The following ZNF483 variants were observed in gnomAD, a reference collection of about 807,000 sequenced individuals.
The protein encoded by ZNF483 is zinc finger protein 483, also known as zinc finger protein HIT-10.
Under a neutral mutation model 28.6 loss-of-function variants are expected in ZNF483, and 9 were observed. The ratio of observed to expected loss-of-function variants is 0.32; its 90% CI spans 0.19 to 0.55. The LOEUF is 0.55. Ranked by LOEUF, ZNF483 falls within the 20% of genes least tolerant of loss-of-function variation. The pLI, the probability that ZNF483 is intolerant of heterozygous loss-of-function variation, is 0.93. For missense variants in ZNF483, 675 were observed against 871.7 expected (o/e 0.77, Z 2.84); for synonymous variants, 322 against 306.2 (o/e 1.05, Z -0.54).
rs773809613 is a variant in ZNF483, at chr9:111,534,265, T to C, written c.633T>C (p.Phe211=). Residue 211 remains phenylalanine (F), a synonymous_variant, in exon 5 of 6, where the codon TTT becomes TTC. Transcript: ENST00000309235. Reference sequence around the variant, plus strand: ...TGTTCTTTTCTCTATGAGCAGACTTTCCAGTTTCAAAATTAGAGTTGATTT... The same window carrying C: ...TGTTCTTTTCTCTATGAGCAGACTTCCCAGTTTCAAAATTAGAGTTGATTT... ...ENLRNLEFLD[F]PVSKLELISQ... The C allele has an allele frequency of 2.5e-6, 4 of 1,613,832 alleles. No individual in the cohort carries two copies. Among genetic ancestry groups the C allele is most frequent in the East Asian group, 2.2e-5 (1 of 44,894 alleles).
In ZNF483 at chr9:111,541,844, TA is replaced by T; in HGVS notation, c.913del (p.Ser305AlafsTer13). ...GTAGGGGTAAGAAATTTGACCCAGA[TA>T]AAAGCCCCTTTGGACATAATTTCAA... The part of the protein sequence containing the change: ...GSRGKKFDPD[K>X]SPFGHNFKET... On this transcript the variant is annotated frameshift_variant, in exon 6 of 6. Transcript: ENST00000309235. LOFTEE classifies it low-confidence loss of function (END_TRUNC). 6.2e-7 allele frequency: 1 copy of T among 1,614,012 alleles called. No individual in the cohort carries two copies. The highest frequency in any genetic ancestry group is 8.5e-7 in the Non-Finnish European group (1 of 1,180,006).
chr9:111,530,967 A>G lies in ZNF483; in HGVS notation c.501+4A>G. 6.9e-7 allele frequency: 1 copy of G among 1,457,106 alleles called. No homozygotes were observed. 90.3% of individuals were successfully genotyped at this position (1,457,106 alleles called of 1,614,324 possible). On this transcript the variant is annotated splice_donor_region_variant and intron_variant, in intron 3 of 5. Coordinates refer to ENST00000309235, the MANE Select transcript of ZNF483 (RefSeq NM_133464.5). The stretch of plus-strand genomic sequence containing the variant: ...TTGTCCCAATACTGAGTCCTGTGTA[A>G]GTTTCCTTTGATGGTTTTTATTCCT...
At chr9:111,568,402 C>T (rs1239273191) in intron 5 of ZNF483, among the ~76,000 whole-genome samples, 9 of 152,130 alleles carry the variant, frequency 5.9e-5, no homozygotes, top group Admixed American at 2.6e-4. Context: ...GGAAAAACTC[C>T]GCCCTGGTAA....
chr9:111,542,396 A>C lies in ZNF483; in HGVS notation c.1461A>C (p.Arg487Ser). 1 of 1,614,148 alleles carries C rather than the reference A, an allele frequency of 6.2e-7. No individual in the cohort carries two copies. Among genetic ancestry groups the C allele is most frequent in the Non-Finnish European group, 8.5e-7 (1 of 1,180,022 alleles). The stretch of plus-strand genomic sequence containing the variant: ...GTTCATCGCTCACACCACATCATAG[A>C]ACTCATAGTGGAGAGAAACCCTTCA... ...SDSSSLTPHH[R>S]THSGEKPFKC... is the part of the protein sequence containing the mutation. Residue 487 changes from arginine (R) to serine (S), a missense_variant, in exon 6 of 6, where the codon AGA becomes AGC. Physicochemically the swap from Arg to Ser is moderately radical, Grantham distance 110. Coordinates refer to ENST00000309235, the MANE Select transcript of ZNF483 (RefSeq NM_133464.5). The surrounding 1 kb of genome is among the most constrained non-coding windows in gnomAD (Gnocchi z 6.2).
intron 5 of ZNF483, among the ~76,000 whole-genome samples, chr9:111,536,912 T>G (rs964579830): frequency 6.6e-6 from 1 of 152,230 alleles, no homozygotes; most frequent in South Asian, 2.1e-4. Flanking sequence ...GGTACTGTAC[T>G]GTGTGTATCG....
At position 111,549,023 on chromosome 9, in the gene ZNF483, G is replaced by T. The variant is rs1222193707; in HGVS notation, c.*5853G>T. Among the ~76,000 whole-genome samples, 2 of 151,778 alleles carry T rather than the reference G, an allele frequency of 1.3e-5. No homozygotes were observed. The highest frequency in any genetic ancestry group is 3.9e-4 in the East Asian group (2 of 5,188). ...TGTCTTGGTGTCTCTGTGGGGTGAG[G>T]GTAGGAGTCAATTGCAGTGCTTGTT... On this transcript the variant is annotated 3_prime_UTR_variant, in exon 6 of 6. Transcript: ENST00000309235.
At chr9:111,560,122 G>A (rs559923757), downstream of ZNF483, among the ~76,000 whole-genome samples, 15 of 151,616 alleles carry the variant, frequency 9.9e-5, no homozygotes, top group Admixed American at 5.3e-4. Context: ...TAGGTGGGTG[G>A]ATCACCTGAG....
chr9:111,537,826 C>T (rs959088941), intron 5 of ZNF483, among the ~76,000 whole-genome samples: 1 of 152,030 alleles, frequency 6.6e-6, no homozygotes, highest in Non-Finnish European at 1.5e-5. Flanking sequence ...AGAGTTTTGT[C>T]ATGTTGTTCA....
intron 5 of ZNF483, among the ~76,000 whole-genome samples, chr9:111,561,223 T>A (rs1269855800): frequency 6.6e-6 from 1 of 150,438 alleles, no homozygotes; most frequent in Non-Finnish European, 1.5e-5. Flanking sequence ...TACCTTTCCA[T>A]ATGTTCAAGT....
intron 3 of ZNF483, among the ~76,000 whole-genome samples, chr9:111,533,510 G>A (rs1218042946): frequency 1.3e-5 from 2 of 151,974 alleles, no homozygotes. Flanking sequence ...GTGAGACAAT[G>A]CCTCTACAAA....
chr9:111,555,044 G>C lies in ZNF483; in HGVS notation c.*11874G>C, dbSNP rs1828081376. Among the ~76,000 whole-genome samples, 1 of 152,156 alleles carries C rather than the reference G, an allele frequency of 6.6e-6. No homozygotes were observed. Among genetic ancestry groups the C allele is most frequent in the Admixed American group, 6.5e-5 (1 of 15,274 alleles). On this transcript the variant is annotated 3_prime_UTR_variant, in exon 6 of 6. Transcript: ENST00000309235. Reference sequence around the variant, plus strand: ...TAGTCAGCATGGGGGATATAAGCCTGGCTACCATTACTGGCGAGCAGGCAG... The same window carrying C: ...TAGTCAGCATGGGGGATATAAGCCTCGCTACCATTACTGGCGAGCAGGCAG...
intron 5 of ZNF483, among the ~76,000 whole-genome samples, chr9:111,535,317 C>T (rs1017039613): frequency 1.2e-4 from 18 of 152,052 alleles, no homozygotes; most frequent in Admixed American, 1.1e-3. Context: ...ATATCAAGCA[C>T]ATGTATAAGG....
Position 111,568,459 on chromosome 9 carries a change from G to A in ZNF483, c.722-7906G>A, listed in dbSNP as rs1333320912. Among the ~76,000 whole-genome samples, 3 of 152,170 alleles carry A rather than the reference G, an allele frequency of 2.0e-5. No homozygotes were observed. The East Asian group carries it at 5.8e-4, about 29-fold the overall frequency. ...CTGCTTTCGAACCCTGTTTTCTGTT[G>A]TTGAAGATGTTTATCAAGACAATAT... is the stretch of plus-strand genomic sequence containing the variant. On this transcript the variant is annotated intron_variant, in intron 5 of 5. Coordinates refer to the ZNF483 transcript ENST00000358151.
In ZNF483 at chr9:111,545,079, C is replaced by T. The variant is rs1027467394; in HGVS notation, c.*1909C>T. Among the ~76,000 whole-genome samples the T allele has an allele frequency of 6.6e-5, 10 of 152,226 alleles. No homozygotes were observed. Among genetic ancestry groups the T allele is most frequent in the Admixed American group, 5.2e-4 (8 of 15,284 alleles). The stretch of plus-strand genomic sequence containing the variant: ...ACCTCTGGGAGAAGGTTTTTGGTGC[C>T]TCCCCAACCCCAAGCCTGCAGTTTA... On this transcript the variant is annotated 3_prime_UTR_variant, in exon 6 of 6. Transcript: ENST00000309235.
Position 111,554,166 on chromosome 9 carries a change from A to G in ZNF483, c.*10996A>G, listed in dbSNP as rs1828052849. Reference sequence around the variant, plus strand: ...ACAACTATTGACATCACAAACTACTACTATTATGTTATTGGAACTAACTAC... The same window carrying G: ...ACAACTATTGACATCACAAACTACTGCTATTATGTTATTGGAACTAACTAC... On this transcript the variant is annotated 3_prime_UTR_variant, in exon 6 of 6. Coordinates refer to ENST00000309235, the MANE Select transcript of ZNF483 (RefSeq NM_133464.5). 6.6e-6 allele frequency among the ~76,000 whole-genome samples: 1 copy of G among 152,168 alleles called. No homozygotes were observed. Among genetic ancestry groups the G allele is most frequent in the African/African-American group, 2.4e-5 (1 of 41,444 alleles).
chr9:111,551,828 T>C lies in ZNF483; in HGVS notation c.*8658T>C, dbSNP rs1827968755. 6.6e-6 allele frequency among the ~76,000 whole-genome samples: 1 copy of C among 152,210 alleles called. No homozygotes were observed. The highest frequency in any genetic ancestry group is 2.4e-5 in the African/African-American group (1 of 41,460). On this transcript the variant is annotated 3_prime_UTR_variant, in exon 6 of 6. Transcript: ENST00000309235. The stretch of plus-strand genomic sequence containing the variant: ...TAAATTCAGTAACATATCAATTCAG[T>C]TTATTAGCATCAAATTTGATGAAGC...
At chr9:111,537,162 T>C (rs1827528633) in intron 5 of ZNF483, among the ~76,000 whole-genome samples, 2 of 152,026 alleles carry the variant, frequency 1.3e-5, no homozygotes, top group Admixed American at 6.6e-5. Flanking sequence ...GATCCATTTT[T>C]ACGGTGATAG....
Position 111,527,497 on chromosome 9 carries a change from T to C in ZNF483, c.102T>C (p.Ser34=). The change falls in exon 2 of 6, where the codon TCT becomes TCC. Residue 34 remains serine (S), a synonymous_variant. Transcript: ENST00000309235. ...EQNEVPRVVT[S]GEQEAILRGN... is the part of the protein sequence containing the mutation. The stretch of plus-strand genomic sequence containing the variant: ...ATGAGGTCCCAAGAGTGGTTACTTC[T>C]GGGGAACAAGAAGCTATTTTAAGAG... The C allele has an allele frequency of 6.2e-7, 1 of 1,614,208 alleles. No individual in the cohort carries two copies. Among genetic ancestry groups the C allele is most frequent in the Non-Finnish European group, 8.5e-7 (1 of 1,180,044 alleles).
intron 5 of ZNF483, among the ~76,000 whole-genome samples, chr9:111,573,155 G>C (rs1828902377): frequency 6.6e-6 from 1 of 152,186 alleles, no homozygotes. Context: ...TCGAGTTACT[G>C]TATCCAAAAT....
Sources: allele counts gnomAD v4.1 joint callset (sites outside exome capture counted in the v4.1 genomes callset), GRCh38; gene constraint gnomAD v4.1.1; non-coding constraint Gnocchi (gnomAD v3.1); transcripts MANE v1.5; gene names NCBI Gene and HGNC (gene_info 2026-07-23, HGNC 2026-07-21).